RASSF4: variants seen among roughly 807,000 people sequenced by gnomAD.
The protein encoded by RASSF4 is ras association domain-containing protein 4.
RASSF4 carries 38 observed loss-of-function variants against 41.1 expected under a neutral mutation model. The ratio of observed to expected loss-of-function variants is 0.92; its 90% CI spans 0.71 to 1.21. The LOEUF (loss-of-function observed/expected upper bound fraction) is 1.21, where lower values mean the gene tolerates loss of function less well. Ranked by LOEUF, RASSF4 falls within the 50% of genes most tolerant of loss-of-function variation. The probability of loss-of-function intolerance (pLI) is 0.00; values close to 1 mark genes in which losing one functional copy is unlikely to be tolerated. For synonymous variants in RASSF4, 179 were observed against 163.4 expected, an observed-to-expected ratio of 1.10 and a Z score of -0.73; for missense variants, 414 against 419.4, an observed-to-expected ratio of 0.99 and a Z score of 0.11.
chr10:44,971,474 G>A (rs762591289), intron 2 of RASSF4: 99 of 585,578 alleles, frequency 1.7e-4, no homozygotes, highest in Non-Finnish European at 2.7e-4. Context: ...AGGCTGCCAG[G>A]GCCTTACCTG....
intron 1 of RASSF4, among the ~76,000 whole-genome samples, chr10:44,969,634 C>T (rs1165795332): frequency 6.6e-6 from 1 of 152,146 alleles, no homozygotes; most frequent in Non-Finnish European, 1.5e-5. Context: ...GTGATACTCA[C>T]CTCACAATAT....
intron 1 of RASSF4, among the ~76,000 whole-genome samples, chr10:44,968,341 A>C (rs1182536111): frequency 2.6e-5 from 4 of 152,186 alleles, no homozygotes; most frequent in African/African-American, 9.7e-5. Context: ...CTTTATGTTG[A>C]AATCCCTGTT....
chr10:44,977,734 A>G, intron 3 of RASSF4: 1 of 1,605,138 alleles, frequency 6.2e-7, no homozygotes, highest in Non-Finnish European at 8.5e-7. Flanking sequence ...CCACAGTATC[A>G]GCCATGGGCA....
Position 44,990,967 on chromosome 10 carries a change from C to G in RASSF4, c.705C>G (p.Asp235Glu), listed in dbSNP as rs1397796497. 1 of 1,613,430 alleles carries G rather than the reference C, an allele frequency of 6.2e-7. No individual in the cohort carries two copies. Among genetic ancestry groups the G allele is most frequent in the African/African-American group, 1.3e-5 (1 of 75,052 alleles). ...HESGERTKLK[D>E]CEYPLISRIL... ...TTTCAGAGCGGACAAAATTAAAAGA[C>G]TGCGAGTACCCGCTGATTTCCAGAA... Residue 235 changes from aspartate to glutamate, a missense_variant, in exon 9 of 11, where the codon GAC (aspartate) becomes GAG (glutamate). Asp to Glu is a conservative substitution (Grantham distance 45, BLOSUM62 2). Transcript: ENST00000340258.
chr10:44,982,921 G>A (rs952015735), intron 4 of RASSF4: 2 of 687,700 alleles, frequency 2.9e-6, no homozygotes, highest in Non-Finnish European at 5.4e-6. Flanking sequence ...CACCTTGCTG[G>A]CAAGAAGGGA....
chr10:44,982,525 A>G lies in RASSF4; in HGVS notation c.143A>G (p.Glu48Gly). Reference protein sequence around the residue: ...KSFQLRHREEEGTLIIEGLLN... With the variant: ...KSFQLRHREEGGTLIIEGLLN... Reference sequence around the variant, plus strand: ...CTGATGTGTGGACCCCCACAGGAAGAAGGGACTCTGATCATCGAGGGGCTC... The same window carrying G: ...CTGATGTGTGGACCCCCACAGGAAGGAGGGACTCTGATCATCGAGGGGCTC... The change falls in exon 4 of 11, where the codon GAA becomes GGA. Residue 48 changes from glutamate to glycine, a missense_variant. Glu to Gly is a moderately conservative substitution (Grantham distance 98, BLOSUM62 -2). Coordinates refer to ENST00000340258, the MANE Select transcript of RASSF4 (RefSeq NM_032023.4). The G allele has an allele frequency of 6.2e-7, 1 of 1,611,114 alleles. No homozygotes were observed. The highest frequency in any genetic ancestry group is 8.5e-7 in the Non-Finnish European group (1 of 1,178,684).
At position 44,995,133 on chromosome 10, in the gene RASSF4, A is replaced by T. The variant is rs1293055071; in HGVS notation, c.*1804A>T. The T allele has an allele frequency of 6.6e-6, 1 of 152,300 alleles. No individual in the cohort carries two copies. The highest frequency in any genetic ancestry group is 1.5e-5 in the Non-Finnish European group (1 of 68,074). 9.4% of individuals were successfully genotyped at this position (152,300 alleles called of 1,614,324 possible). A position where few individuals can be genotyped will look rare whatever the true frequency, so the allele number is the denominator to read the frequency against. On this transcript the variant is annotated 3_prime_UTR_variant, in exon 11 of 11. Transcript: ENST00000340258. ...TTGTACTCCCAAGCTATTATTTACA[A>T]TCTCAGGTGGAGGACAGCTCCTGTC...
Position 44,993,350 on chromosome 10 carries a change from C to T in RASSF4, c.*21C>T. 1 of 1,590,478 alleles carries T rather than the reference C, an allele frequency of 6.3e-7. No individual in the cohort carries two copies. The highest frequency in any genetic ancestry group is 2.3e-5 in the East Asian group (1 of 44,126). On this transcript the variant is annotated 3_prime_UTR_variant, in exon 11 of 11. Transcript: ENST00000340258. The stretch of plus-strand genomic sequence containing the variant: ...AGTAACTGGCCAACACCTGCCTCTT[C>T]CAAAGTCCCCAGCAGTGGCAGGTGT...
rs1472245345 is a variant in RASSF4, at chr10:44,991,917, A to G, written c.820A>G (p.Ile274Val). The G allele has an allele frequency of 6.2e-7, 1 of 1,612,032 alleles. No individual in the cohort carries two copies. The highest frequency in any genetic ancestry group is 8.5e-7 in the Non-Finnish European group (1 of 1,178,150). ...TTGGATTTTCTAGGTCGCTCAGTAC[A>G]TTAAGTTTGAAATGCCGGTGCTGGA... ...VEVPHEVAQY[I>V]KFEMPVLDSF... is the part of the protein sequence containing the mutation. Residue 274 changes from isoleucine to valine, a missense_variant, in exon 10 of 11, where the codon ATT becomes GTT. Coordinates refer to ENST00000340258, the MANE Select transcript of RASSF4 (RefSeq NM_032023.4).
intron 1 of RASSF4, among the ~76,000 whole-genome samples, chr10:44,964,822 C>A (rs1399848878): frequency 2.0e-5 from 3 of 152,176 alleles, no homozygotes; most frequent in Non-Finnish European, 4.4e-5. Context: ...CTTTCAGACA[C>A]CCCTTAGGTA....
At chr10:44,984,741 A>T in intron 5 of RASSF4, 72 bp from the exon 6 acceptor site, 1 of 1,557,258 alleles carries the variant, frequency 6.4e-7, no homozygotes, top group Non-Finnish European at 8.8e-7. Flanking sequence ...AGGGTGCCAG[A>T]TCTCCCGACA....
chr10:44,965,085 AGATT>A (rs1391306978), intron 1 of RASSF4, among the ~76,000 whole-genome samples: 1 of 152,224 alleles, frequency 6.6e-6, no homozygotes, highest in Admixed American at 6.5e-5. Flanking sequence ...GACATGAGGC[AGATT>A]GATTAATAGG....
At chr10:44,966,231 A>G (rs765276301) in intron 1 of RASSF4, among the ~76,000 whole-genome samples, 1 of 152,150 alleles carries the variant, frequency 6.6e-6, no homozygotes, top group Non-Finnish European at 1.5e-5. Context: ...AGCATTTTCT[A>G]TGAATAAGTA....
At chr10:44,984,996 C>A in intron 6 of RASSF4, 26 bp downstream of exon 6, 1 of 1,597,942 alleles carries the variant, frequency 6.3e-7, no homozygotes, top group Non-Finnish European at 8.5e-7. Context: ...GGCCTCTCCC[C>A]TGGGCGCATG....
At chr10:44,967,666 A>G (rs1352212700) in intron 1 of RASSF4, among the ~76,000 whole-genome samples, 2 of 152,192 alleles carry the variant, frequency 1.3e-5, no homozygotes, top group Non-Finnish European at 2.9e-5. Flanking sequence ...GGAGTCTAGA[A>G]GCTTCTTGTA....
intron 1 of RASSF4, among the ~76,000 whole-genome samples, chr10:44,962,923 C>T (rs981282011): frequency 2.0e-5 from 3 of 152,064 alleles, no homozygotes; most frequent in African/African-American, 7.2e-5. Context: ...GGCTGGTCTG[C>T]GATCTACATG....
At chr10:44,975,213 G>A (rs1192412645) in intron 3 of RASSF4, among the ~76,000 whole-genome samples, 1 of 148,030 alleles carries the variant, frequency 6.8e-6, no homozygotes, top group South Asian at 2.1e-4. Flanking sequence ...CCCCTGGTCC[G>A]GGGGCTCCGT....
chr10:44,989,830 G>A, intron 8 of RASSF4, 109 bp downstream of exon 8: 1 of 1,006,254 alleles, frequency 9.9e-7, no homozygotes. Flanking sequence ...TGGGCTCCGT[G>A]CTGGCTTGCC....
At chr10:44,974,116 C>G (rs1841296012) in intron 3 of RASSF4, among the ~76,000 whole-genome samples, 1 of 152,200 alleles carries the variant, frequency 6.6e-6, no homozygotes, top group African/African-American at 2.4e-5. Flanking sequence ...CCTGGGGCAC[C>G]AAGCCCCTCC....
Sources: allele counts gnomAD v4.1 joint callset (sites outside exome capture counted in the v4.1 genomes callset), GRCh38; gene constraint gnomAD v4.1.1; transcripts MANE v1.5; gene names NCBI Gene and HGNC (gene_info 2026-07-23, HGNC 2026-07-21).